ARCN1: variants seen among roughly 807,000 people sequenced by gnomAD.
ARCN1 encodes the protein coatomer subunit delta.
In ARCN1, 5 loss-of-function variants were observed where a neutral mutation model predicts 60.4. That is an observed-to-expected ratio of 0.08 (90% confidence interval 0.04 to 0.17). The LOEUF (loss-of-function observed/expected upper bound fraction) is 0.17, where lower values mean the gene tolerates loss of function less well. Ranked by LOEUF, ARCN1 falls within the 10% of genes least tolerant of loss-of-function variation. The pLI is 1.00. For missense variants in ARCN1, 464 were observed against 626.5 expected (o/e 0.74, Z 2.77); for synonymous variants, 224 against 220.0 (o/e 1.02, Z -0.16).
Position 118,579,789 on chromosome 11 carries a change from ATAAT to A in ARCN1, c.4-1454_4-1451del, listed in dbSNP as rs571264919. On this transcript the variant is annotated intron_variant, in intron 1 of 9. Transcript: ENST00000264028. ...TAAATAAATAAAGTTTAATTTAGAA[ATAAT>A]TACTTTTTTCCATTTTCATATTAAT... Among the ~76,000 whole-genome samples the A allele has an allele frequency of 2.3e-3, 353 of 152,262 alleles. 2 individuals are homozygous for A. The highest frequency in any genetic ancestry group is 3.4e-3 in the Middle Eastern group (1 of 294).
At chr11:118,598,001 G>A (rs1343716314) in intron 9 of ARCN1, 90 bp downstream of exon 9, 2 of 1,311,258 alleles carry the variant, frequency 1.5e-6, no homozygotes, top group Non-Finnish European at 2.1e-6. Flanking sequence ...ATGGCTTTTT[G>A]TGGTCAGATA....
intron 4 of ARCN1, among the ~76,000 whole-genome samples, 183 bp from the exon 5 acceptor site, chr11:118,584,297 T>C (rs1346563734): frequency 3.3e-5 from 5 of 152,256 alleles, no homozygotes; most frequent in African/African-American, 1.2e-4. Context: ...TTATGGAATG[T>C]AGATTTTTAA....
intron 5 of ARCN1, among the ~76,000 whole-genome samples, chr11:118,589,019 A>G (rs1186451807): frequency 6.8e-6 from 1 of 146,678 alleles, no homozygotes; most frequent in Non-Finnish European, 1.5e-5. Flanking sequence ...ACTCTATCTC[A>G]AAACAACAAC....
At chr11:118,577,834 C>T (rs1377520198) in intron 1 of ARCN1, among the ~76,000 whole-genome samples, 2 of 152,064 alleles carry the variant, frequency 1.3e-5, no homozygotes, top group African/African-American at 4.8e-5. Context: ...TTACCAGTAC[C>T]TATAATTAGT....
At chr11:118,576,442 A>AAC (rs1209889614) in intron 1 of ARCN1, among the ~76,000 whole-genome samples, 1 of 131,402 alleles carries the variant, frequency 7.6e-6, no homozygotes, top group East Asian at 3.6e-4. Context: ...AAAAAAAAAA[A>AAC]AAAAAAACCA....
intron 1 of ARCN1, among the ~76,000 whole-genome samples, chr11:118,577,776 C>T (rs566246695): frequency 6.6e-5 from 10 of 152,188 alleles, no homozygotes; most frequent in African/African-American, 2.2e-4. Flanking sequence ...AGTAGATGTT[C>T]GATAAATAAT....
At chr11:118,583,670 A>C (rs1361042654) in intron 3 of ARCN1, 139 bp from the exon 4 acceptor site, 1 of 878,724 alleles carries the variant, frequency 1.1e-6, no homozygotes, top group African/African-American at 1.7e-5. Flanking sequence ...AGATGGGAGG[A>C]TCACTTGAGC....
intron 2 of ARCN1, among the ~76,000 whole-genome samples, chr11:118,582,713 T>A (rs764071172): frequency 1.0e-4 from 14 of 135,118 alleles, no homozygotes; most frequent in Non-Finnish European, 2.1e-4. Flanking sequence ...GTGACAGAGT[T>A]AGACTTTGTC....
At chr11:118,600,178 C>T (rs1555077897) in intron 9 of ARCN1, among the ~76,000 whole-genome samples, 2 of 152,102 alleles carry the variant, frequency 1.3e-5, no homozygotes, top group African/African-American at 4.8e-5. Context: ...CCAGCCATGC[C>T]TAAAAAATAA....
rs1180012325 is a variant in ARCN1 at position 118,572,435 on chromosome 11, G to C, written c.-113G>C. 4.4e-6 allele frequency: 5 copies of C among 1,133,250 alleles called. No individual in the cohort carries two copies. The highest frequency in any genetic ancestry group is 2.6e-5 in the Admixed American group (1 of 38,210). The allele number at this position is 1,133,250 out of a possible 1,614,324, so 70.2% of individuals were successfully genotyped here. A position where few individuals can be genotyped will look rare whatever the true frequency, so the allele number is the denominator to read the frequency against. ...TCTTGGCAAGAGGCGAAGCGGCAGC[G>C]GTTCCTGTCAAGGGGGCAGCAGGTC... is the stretch of plus-strand genomic sequence containing the variant. On this transcript the variant is annotated 5_prime_UTR_variant, in exon 1 of 10. Coordinates refer to ENST00000264028, the MANE Select transcript of ARCN1 (RefSeq NM_001655.5).
chr11:118,586,852 C>CAA (rs781894156), intron 5 of ARCN1, among the ~76,000 whole-genome samples: 55 of 53,228 alleles, frequency 1.0e-3, no homozygotes, highest in East Asian at 1.2e-3. Flanking sequence ...ACTCTATCTC[C>CAA]AAAAAAAAAA....
intron 1 of ARCN1, among the ~76,000 whole-genome samples, chr11:118,576,067 T>A (rs1938491372): frequency 6.6e-6 from 1 of 150,964 alleles, no homozygotes; most frequent in Non-Finnish European, 1.5e-5. Flanking sequence ...TAAACTAACC[T>A]CCTATGTTAG....
In ARCN1 at chr11:118,573,730, G is replaced by T. The variant is rs116241910; in HGVS notation, c.3+1180G>T. ...CCCTTTAGATAAGAACTTGGATAAT[G>T]GGGGGAATTCATGCTTGGACTTTAG... On this transcript the variant is annotated intron_variant, in intron 1 of 9. Coordinates refer to ENST00000264028, the MANE Select transcript of ARCN1 (RefSeq NM_001655.5). The T allele has an allele frequency of 1.3e-4, 90 of 690,638 alleles. No homozygotes were observed. In the African/African-American group the frequency reaches 1.4e-3, roughly 11 times the overall value. The allele number at this position is 690,638 out of a possible 1,614,324, so 42.8% of individuals were successfully genotyped here. A position where few individuals can be genotyped will look rare whatever the true frequency, so the allele number is the denominator to read the frequency against.
At chr11:118,583,395 G>A (rs2135542172) in intron 3 of ARCN1, 37 bp downstream of exon 3, 1 of 1,560,582 alleles carries the variant, frequency 6.4e-7, no homozygotes, top group Middle Eastern at 1.7e-4. Context: ...CTGTTTGTAT[G>A]TCTTTCTCTT....
At chr11:118,592,880 C>G (rs1555076555) in intron 7 of ARCN1, 24 bp downstream of exon 7, 2 of 1,603,494 alleles carry the variant, frequency 1.2e-6, no homozygotes, top group South Asian at 2.2e-5. Flanking sequence ...GCCAGTCCCA[C>G]TAAGCTAGTT....
intron 6 of ARCN1, 91 bp downstream of exon 6, chr11:118,590,597 A>C (rs1039521273): frequency 1.5e-6 from 2 of 1,355,960 alleles, no homozygotes; most frequent in Admixed American, 4.2e-5. Flanking sequence ...ACCACAGAAA[A>C]TTACTTAAGT....
intron 6 of ARCN1, among the ~76,000 whole-genome samples, chr11:118,590,847 C>G (rs1221702498): frequency 6.6e-6 from 1 of 152,164 alleles, no homozygotes; most frequent in African/African-American, 2.4e-5. Flanking sequence ...GCTTGAAATA[C>G]AGTTTTAAAA....
chr11:118,589,522 T>C (rs1938850600), intron 5 of ARCN1, among the ~76,000 whole-genome samples: 1 of 152,116 alleles, frequency 6.6e-6, no homozygotes, highest in South Asian at 2.1e-4. Flanking sequence ...CTCCGCCTCC[T>C]GAGTTCACGT....
chr11:118,574,632 T>C (rs1005008710), intron 1 of ARCN1, among the ~76,000 whole-genome samples: 4 of 152,208 alleles, frequency 2.6e-5, no homozygotes, highest in African/African-American at 9.6e-5. Context: ...CCTTTGGCTT[T>C]AGTTATTGAA....
Sources: allele counts gnomAD v4.1 joint callset (sites outside exome capture counted in the v4.1 genomes callset), GRCh38; gene constraint gnomAD v4.1.1; transcripts MANE v1.5; gene names NCBI Gene and HGNC (gene_info 2026-07-23, HGNC 2026-07-21).